The following LRTM3 variants were observed in gnomAD, a reference collection of about 807,000 sequenced individuals.
The protein encoded by LRTM3 is leucine rich repeat transmembrane protein 3.
the LRTM3 span, chr13:102,745,982 A>ATGCATTG: frequency 1.9e-6 from 3 of 1,551,064 alleles, no homozygotes; most frequent in East Asian, 7.3e-5. Flanking sequence ...ATTGAGTATT[A>ATGCATTG]AGCCATCGCT....
the LRTM3 span, chr13:102,747,666 A>G: frequency 1.3e-6 from 2 of 1,551,016 alleles, no homozygotes; most frequent in South Asian, 1.2e-5. Flanking sequence ...CCAACTGGCA[A>G]GTTCTCTGGC....
chr13:102,730,761 T>C, the LRTM3 span: 1 of 1,551,564 alleles, frequency 6.4e-7, no homozygotes, highest in Non-Finnish European at 8.7e-7. Context: ...GTGTTTAACT[T>C]ACTATGTTTG....
the LRTM3 span, among the ~76,000 whole-genome samples, chr13:102,756,673 T>TAAAAAAAA: frequency 1.2e-3 from 82 of 66,958 alleles, no homozygotes; most frequent in East Asian, 3.4e-3. Flanking sequence ...AAACTCTGTC[T>TAAAAAAAA]AAAAAAAAAA....
the LRTM3 span, chr13:102,744,559 G>A: frequency 6.5e-7 from 1 of 1,550,348 alleles, no homozygotes; most frequent in Non-Finnish European, 8.7e-7. Context: ...TTTCTCTAAA[G>A]TGTGTTTCTT....
chr13:102,746,326 C>T, the LRTM3 span: 1 of 1,550,844 alleles, frequency 6.4e-7, no homozygotes, highest in Non-Finnish European at 8.7e-7. Flanking sequence ...GCAATTTTTC[C>T]TCTCTGTCAT....
chr13:102,731,431 T>C, the LRTM3 span: 2 of 1,551,532 alleles, frequency 1.3e-6, no homozygotes, highest in Non-Finnish European at 1.7e-6. Flanking sequence ...CAAGTGCTTT[T>C]GACTCTAAAT....
chr13:102,730,282 A>G, the LRTM3 span: 2 of 1,551,410 alleles, frequency 1.3e-6, no homozygotes, highest in Non-Finnish European at 1.7e-6. Context: ...CTGATTCCTG[A>G]CTTAAATAAG....
chr13:102,737,296 C>G, the LRTM3 span: 28 of 1,551,156 alleles, frequency 1.8e-5, no homozygotes, highest in Middle Eastern at 1.7e-4. Flanking sequence ...ATTTCTGCTG[C>G]CTTAGTTGCA....
At chr13:102,756,857 T>G in the LRTM3 span, among the ~76,000 whole-genome samples, 1 of 152,104 alleles carries the variant, frequency 6.6e-6, no homozygotes, top group Non-Finnish European at 1.5e-5. Context: ...CTCCATGAAT[T>G]TCCCTTAACG....
At chr13:102,742,736 T>G in the LRTM3 span, 1 of 1,550,654 alleles carries the variant, frequency 6.4e-7, no homozygotes, top group Non-Finnish European at 8.7e-7. Context: ...GTCAGCCATT[T>G]TAAGTCTGCC....
the LRTM3 span, chr13:102,747,743 AC>A: frequency 6.4e-7 from 1 of 1,551,100 alleles, no homozygotes; most frequent in South Asian, 1.2e-5. Flanking sequence ...GCTTTGCTTC[AC>A]CTTCTCAACT....
At chr13:102,733,952 C>G in the LRTM3 span, 75 of 1,551,146 alleles carry the variant, frequency 4.8e-5, no homozygotes, top group Admixed American at 1.2e-4. Flanking sequence ...TCGCTGTGGA[C>G]AAGATGATCC....
At chr13:102,729,735 A>G in the LRTM3 span, 6 of 1,551,954 alleles carry the variant, frequency 3.9e-6, no homozygotes, top group Non-Finnish European at 4.4e-6. Context: ...TTGCTTTGGA[A>G]ACAATCCAAT....
At chr13:102,755,899 ATATG>A in the LRTM3 span, among the ~76,000 whole-genome samples, 1 of 61,580 alleles carries the variant, frequency 1.6e-5, no homozygotes, top group Non-Finnish European at 4.0e-5. Flanking sequence ...ATACACATAT[ATATG>A]TGTGTGTGTG....
chr13:102,737,196 T>C, the LRTM3 span: 2 of 1,551,130 alleles, frequency 1.3e-6, no homozygotes, highest in Non-Finnish European at 1.7e-6. Context: ...TCTACTTCTT[T>C]CTGTGGCTTG....
At chr13:102,750,410 T>C in the LRTM3 span, 1 of 1,242,432 alleles carries the variant, frequency 8.0e-7, no homozygotes, top group Non-Finnish European at 1.1e-6. Flanking sequence ...GAAAACAGTG[T>C]ACAAATGAAT....
chr13:102,750,406 A>C, the LRTM3 span: 9 of 1,363,118 alleles, frequency 6.6e-6, no homozygotes, highest in Non-Finnish European at 8.9e-6. Context: ...ATAAGAAAAC[A>C]GTGTACAAAT....
chr13:102,748,125 G>A, the LRTM3 span: 1 of 1,551,020 alleles, frequency 6.4e-7, no homozygotes, highest in Non-Finnish European at 8.7e-7. Context: ...GATATGCTAT[G>A]TGTTTCTGTA....
the LRTM3 span, chr13:102,737,733 C>T: frequency 3.6e-3 from 5,519 of 1,550,746 alleles, 16 homozygotes; most frequent in Non-Finnish European, 4.3e-3. Flanking sequence ...GCGCTATCAC[C>T]CTCACTGGGC....
Sources: allele counts gnomAD v4.1 joint callset (sites outside exome capture counted in the v4.1 genomes callset), GRCh38; gene constraint gnomAD v4.1.1; transcripts MANE v1.5; gene names NCBI Gene and HGNC (gene_info 2026-07-23, HGNC 2026-07-21).